The following MAP3K2 variants were observed in gnomAD, a reference collection of about 807,000 sequenced individuals.
The protein encoded by MAP3K2 is MAP/ERK kinase kinase 2.
In MAP3K2, 24 loss-of-function variants were observed where a neutral mutation model predicts 80.3. The observed-to-expected ratio is 0.30, with a 90% CI of 0.22 to 0.42. MAP3K2 has a LOEUF of 0.42. Among genes scored for constraint, MAP3K2 ranks in the 10% least tolerant of loss-of-function variants. The pLI is 1.00. For synonymous variants in MAP3K2, 244 were observed against 253.7 expected (o/e 0.96, Z 0.36); for missense variants, 608 against 750.1 (o/e 0.81, Z 2.21).
rs931739572 is a variant in MAP3K2 at position 127,339,201 on chromosome 2, C to A, written c.5-151G>T. 6.6e-6 allele frequency among the ~76,000 whole-genome samples: 1 copy of A among 152,220 alleles called. No individual in the cohort carries two copies. Among genetic ancestry groups the A allele is most frequent in the Non-Finnish European group, 1.5e-5 (1 of 68,032 alleles). On this transcript the variant is annotated intron_variant, in intron 2 of 16. Transcript: ENST00000682094. This position sits in a 1 kb window ranked among gnomAD's most constrained non-coding sequence, Gnocchi z 4.2. Reference sequence around the variant, plus strand: ...ATCTAGAACATTTTTAATGCCTACACTTTTGGTAAAATAAAATTGCACTAG... The same window carrying A: ...ATCTAGAACATTTTTAATGCCTACAATTTTGGTAAAATAAAATTGCACTAG...
chr2:127,343,512 T>C (rs1247108882), intron 1 of MAP3K2, among the ~76,000 whole-genome samples: 2 of 152,086 alleles, frequency 1.3e-5, no homozygotes, highest in Non-Finnish European at 2.9e-5. Flanking sequence ...AAAGGCTAAC[T>C]CCTAAGCAGG....
chr2:127,378,058 AG>A (rs1687179929), intron 1 of MAP3K2: 1 of 347,258 alleles, frequency 2.9e-6, no homozygotes, highest in Non-Finnish European at 4.1e-6. Flanking sequence ...AATAAGGAAA[AG>A]AACTACTGAT....
At chr2:127,308,874 T>A in intron 15 of MAP3K2, 112 bp from the exon 16 acceptor site, 1 of 1,126,922 alleles carries the variant, frequency 8.9e-7, no homozygotes, top group Non-Finnish European at 1.2e-6. Context: ...GTCCCCAAAG[T>A]TAGGCTGCTT....
chr2:127,379,309 GT>G (rs1687208757), intron 1 of MAP3K2, among the ~76,000 whole-genome samples: 1 of 152,082 alleles, frequency 6.6e-6, no homozygotes, highest in Non-Finnish European at 1.5e-5. Flanking sequence ...AACTGATAAT[GT>G]TTTTGGAATA....
At chr2:127,369,783 T>C (rs1687031685) in intron 1 of MAP3K2, among the ~76,000 whole-genome samples, 1 of 152,186 alleles carries the variant, frequency 6.6e-6, no homozygotes, top group Admixed American at 6.5e-5. Context: ...TGGGTGAAAG[T>C]GGTGAATGTT....
chr2:127,315,234 G>C lies in MAP3K2; in HGVS notation c.1327-351C>G, dbSNP rs190659753. 1.4e-4 allele frequency among the ~76,000 whole-genome samples: 21 copies of C among 152,308 alleles called. No homozygotes were observed. In the East Asian group the frequency reaches 3.9e-3, roughly 28 times the overall value. ...ATAAGGTGCCATCTCTGAGAAAGCT[G>C]AATCAGTCTGAAGTGAGGAATAGGT... On this transcript the variant is annotated intron_variant, in intron 14 of 16. Transcript: ENST00000682094.
At chr2:127,356,515 C>G (rs1423061538) in intron 1 of MAP3K2, among the ~76,000 whole-genome samples, 3 of 152,056 alleles carry the variant, frequency 2.0e-5, no homozygotes, top group Non-Finnish European at 2.9e-5. Flanking sequence ...TTTTTATTAG[C>G]CTAATTTTTT....
intron 14 of MAP3K2, among the ~76,000 whole-genome samples, chr2:127,315,323 AAGAC>A (rs1309733841): frequency 6.6e-6 from 1 of 152,222 alleles, no homozygotes; most frequent in African/African-American, 2.4e-5. Flanking sequence ...ATCCCTTTAA[AAGAC>A]AGAAATAAAA....
chr2:127,381,217 A>G (rs1026233479), intron 1 of MAP3K2, among the ~76,000 whole-genome samples: 24 of 152,132 alleles, frequency 1.6e-4, no homozygotes, highest in African/African-American at 5.8e-4. Context: ...CTGACTCTCA[A>G]TCCAGTGTTC....
At chr2:127,379,724 A>G (rs1006716440) in intron 1 of MAP3K2, among the ~76,000 whole-genome samples, 1 of 152,184 alleles carries the variant, frequency 6.6e-6, no homozygotes, top group Non-Finnish European at 1.5e-5. Flanking sequence ...TATATTACAC[A>G]TCTAATTTTC....
intron 14 of MAP3K2, among the ~76,000 whole-genome samples, chr2:127,316,537 A>C (rs963057257): frequency 6.6e-6 from 1 of 152,230 alleles, no homozygotes; most frequent in Non-Finnish European, 1.5e-5. Context: ...AGTGATGACT[A>C]TCAATCAGTG....
chr2:127,329,666 T>C (rs1192914863), intron 7 of MAP3K2, among the ~76,000 whole-genome samples: 2 of 152,230 alleles, frequency 1.3e-5, no homozygotes, highest in African/African-American at 4.8e-5. Flanking sequence ...AAAACCTCTT[T>C]AAAGTTTTAT....
intron 4 of MAP3K2, among the ~76,000 whole-genome samples, chr2:127,336,789 T>C (rs1013945089): frequency 2.0e-5 from 3 of 152,240 alleles, no homozygotes; most frequent in Admixed American, 6.5e-5. Flanking sequence ...TTTAAAATCC[T>C]TAAAACTGTT....
In MAP3K2 at chr2:127,387,482, A is replaced by G. The variant is rs1174266379; in HGVS notation, c.-96T>C. Reference sequence around the variant, plus strand: ...GCTCCGCAGGGACGTAGAGAGCCGCAGGCCCAAGGAGGGGCCGCCCCCGCC... The same window carrying G: ...GCTCCGCAGGGACGTAGAGAGCCGCGGGCCCAAGGAGGGGCCGCCCCCGCC... On this transcript the variant is annotated 5_prime_UTR_variant, in exon 1 of 17. Transcript: ENST00000682094. 8 of 984,894 alleles carry G rather than the reference A, an allele frequency of 8.1e-6. No individual in the cohort carries two copies. In the East Asian group the frequency reaches 8.0e-4, roughly 99 times the overall value. 61.0% of individuals were successfully genotyped at this position (984,894 alleles called of 1,614,324 possible).
chr2:127,387,133 T>G (rs535436008), intron 1 of MAP3K2, among the ~76,000 whole-genome samples: 15 of 152,308 alleles, frequency 9.8e-5, no homozygotes, highest in Middle Eastern at 3.4e-3. Context: ...CTTTTTCGCT[T>G]ACTGCATGTA....
At chr2:127,380,595 G>C (rs1687228984) in intron 1 of MAP3K2, among the ~76,000 whole-genome samples, 1 of 152,166 alleles carries the variant, frequency 6.6e-6, no homozygotes, top group East Asian at 1.9e-4. Context: ...GGAAGGCAAG[G>C]TATAAACAAC....
chr2:127,354,269 G>GA (rs537174159), intron 1 of MAP3K2, among the ~76,000 whole-genome samples: 5,900 of 104,640 alleles, frequency 0.056, 168 homozygotes, highest in Middle Eastern at 0.11. Context: ...AATATCATTT[G>GA]AAAAAAAAAA....
intron 14 of MAP3K2, among the ~76,000 whole-genome samples, chr2:127,316,061 C>T (rs1285138672): frequency 6.6e-6 from 1 of 151,552 alleles, no homozygotes; most frequent in Non-Finnish European, 1.5e-5. Flanking sequence ...GGCAACAAAA[C>T]AAGACTCCTT....
chr2:127,329,643 C>A (rs768214021), intron 7 of MAP3K2, among the ~76,000 whole-genome samples: 86 of 152,316 alleles, frequency 5.6e-4, no homozygotes, highest in Non-Finnish European at 2.1e-4. Context: ...GCATGAGCTA[C>A]CGCGCCCAGC....
Sources: allele counts gnomAD v4.1 joint callset (sites outside exome capture counted in the v4.1 genomes callset), GRCh38; gene constraint gnomAD v4.1.1; non-coding constraint Gnocchi (gnomAD v3.1); transcripts MANE v1.5; gene names NCBI Gene and HGNC (gene_info 2026-07-23, HGNC 2026-07-21).